Variants in FAM200B observed in about 807,000 individuals in gnomAD.
The protein encoded by FAM200B is protein FAM200B.
A neutral mutation model predicts 33.1 loss-of-function variants in FAM200B; 32 were observed. That is an observed-to-expected ratio of 0.97 (90% CI 0.73 to 1.30). FAM200B has a LOEUF of 1.30. FAM200B is among the 50% of genes most tolerant of loss of function. FAM200B has a pLI of 0.00. For missense variants in FAM200B, 741 were observed against 754.0 expected, an observed-to-expected ratio of 0.98 and a Z score of 0.20; for synonymous variants, 240 against 264.8, an observed-to-expected ratio of 0.91 and a Z score of 0.91.
the FAM200B span, among the ~76,000 whole-genome samples, chr4:15,670,958 C>G: frequency 8.9e-6 from 1 of 111,840 alleles, no homozygotes; most frequent in South Asian, 3.2e-4. Flanking sequence ...GAGTCTCACT[C>G]TGTTGCCCAG....
At chr4:15,655,519 C>T in the FAM200B span, 2 of 335,516 alleles carry the variant, frequency 6.0e-6, no homozygotes, top group Non-Finnish European at 8.5e-6. Flanking sequence ...CCTCCCGCCC[C>T]CACTCTTTTC....
chr4:15,639,596 C>CT, the FAM200B span, among the ~76,000 whole-genome samples: 1 of 152,092 alleles, frequency 6.6e-6, no homozygotes, highest in African/African-American at 2.4e-5. Flanking sequence ...GGAAACAAGG[C>CT]TTTTTTTGTT....
the FAM200B span, among the ~76,000 whole-genome samples, chr4:15,651,894 C>T: frequency 6.6e-6 from 1 of 152,148 alleles, no homozygotes; most frequent in Non-Finnish European, 1.5e-5. Context: ...TCTCAGAAAT[C>T]AATTCAAAGA....
the FAM200B span, chr4:15,659,746 A>C: frequency 1.0e-6 from 1 of 984,754 alleles, no homozygotes; most frequent in Non-Finnish European, 1.2e-6. Flanking sequence ...TTTACCTCTT[A>C]GTAAATATTG....
chr4:15,664,230 C>T, the FAM200B span, among the ~76,000 whole-genome samples: 10 of 152,130 alleles, frequency 6.6e-5, no homozygotes, highest in Non-Finnish European at 1.5e-4. Context: ...TAATTCATCC[C>T]TTCTCTGCTT....
chr4:15,646,673 T>C, the FAM200B span, among the ~76,000 whole-genome samples: 2 of 151,494 alleles, frequency 1.3e-5, no homozygotes, highest in African/African-American at 4.9e-5. Flanking sequence ...ATTAGGTATA[T>C]CTCCCAATGC....
chr4:15,678,269 T>A (rs1304546140), upstream of FAM200B, among the ~76,000 whole-genome samples: 1 of 152,238 alleles, frequency 6.6e-6, no homozygotes, highest in Non-Finnish European at 1.5e-5. Context: ...CTAACAAGAA[T>A]GGCTTCATTA....
Position 15,687,776 on chromosome 4 carries a change from C to G in FAM200B, c.799C>G (p.Leu267Val). The G allele has an allele frequency of 6.4e-7, 1 of 1,550,530 alleles. No homozygotes were observed. The highest frequency in any genetic ancestry group is 8.7e-7 in the Non-Finnish European group (1 of 1,146,446). ...FLCFLNLTSH[L>V]SGLDIFTELE... is the part of the protein sequence containing the mutation. ...GTGTTTTTTAAATTTAACCTCACAC[C>G]TAAGTGGATTAGATATTTTTACAGA... The change falls in exon 2 of 2, where the codon CTA (leucine) becomes GTA (valine). Residue 267 changes from leucine (L) to valine (V), a missense_variant. Physicochemically the swap from Leu to Val is conservative, Grantham distance 32 (BLOSUM62 1). Transcript: ENST00000422728.
At chr4:15,645,871 T>C in the FAM200B span, among the ~76,000 whole-genome samples, 2 of 152,232 alleles carry the variant, frequency 1.3e-5, no homozygotes, top group Non-Finnish European at 2.9e-5. Flanking sequence ...TCATACATTT[T>C]TTACTCTATA....
Position 15,687,894 on chromosome 4 carries a change from A to T in FAM200B, c.917A>T (p.His306Leu). The change falls in exon 2 of 2, where the codon CAT (histidine) becomes CTT (leucine). Residue 306 changes from histidine to leucine, a missense_variant. Physicochemically the swap from His to Leu is moderately conservative, Grantham distance 99 (BLOSUM62 -3). Coordinates refer to ENST00000422728, the MANE Select transcript of FAM200B (RefSeq NM_001145191.2). ...SDGTATMTGKHSRVIKKLLEV... is the reference protein window; with the variant it reads ...SDGTATMTGKLSRVIKKLLEV... ...GGCACAGCAACCATGACTGGAAAAC[A>T]TAGCAGAGTAATTAAAAAATTACTA... 5.2e-6 allele frequency: 8 copies of T among 1,551,006 alleles called. No individual in the cohort carries two copies. Among genetic ancestry groups the T allele is most frequent in the Non-Finnish European group, 7.0e-6 (8 of 1,146,520 alleles).
rs1719067141 is a variant in FAM200B, at chr4:15,688,181, A to G, written c.1204A>G (p.Arg402Gly). Residue 402 changes from arginine (R) to glycine (G), a missense_variant, in exon 2 of 2, where the codon AGG (arginine) becomes GGG (glycine). Arg to Gly is a moderately radical substitution (Grantham distance 125). Transcript: ENST00000422728. ...AATACTAAGCAGGGTTTATGAGCTC[A>G]GGAATGAGATTCACTTTTTTCTCAT... ...GKILSRVYELRNEIHFFLIEK... is the reference protein window; with the variant it reads ...GKILSRVYELGNEIHFFLIEK... 3 of 1,551,162 alleles carry G rather than the reference A, an allele frequency of 1.9e-6. No homozygotes were observed. Among genetic ancestry groups the G allele is most frequent in the Non-Finnish European group, 2.6e-6 (3 of 1,146,736 alleles).
the FAM200B span, among the ~76,000 whole-genome samples, chr4:15,659,217 T>C: frequency 2.0e-5 from 3 of 152,196 alleles, no homozygotes; most frequent in Non-Finnish European, 4.4e-5. Context: ...CCTGAACAAG[T>C]AGTAGGCATA....
At position 15,687,788 on chromosome 4, in the gene FAM200B, G is replaced by C; in HGVS notation, c.811G>C (p.Asp271His). 6.4e-7 allele frequency: 1 copy of C among 1,550,564 alleles called. No homozygotes were observed. Among genetic ancestry groups the C allele is most frequent in the Non-Finnish European group, 8.7e-7 (1 of 1,146,508 alleles). Residue 271 changes from aspartate to histidine, a missense_variant, in exon 2 of 2, where the codon GAT (aspartate) becomes CAT (histidine). Transcript: ENST00000422728. Reference protein sequence around the residue: ...LNLTSHLSGLDIFTELERRIV... With the variant: ...LNLTSHLSGLHIFTELERRIV... ...TTTAACCTCACACCTAAGTGGATTA[G>C]ATATTTTTACAGAATTAGAAAGGCG...
chr4:15,659,223 G>A, the FAM200B span, among the ~76,000 whole-genome samples: 1 of 152,088 alleles, frequency 6.6e-6, no homozygotes, highest in East Asian at 1.9e-4. Context: ...CAAGTAGTAG[G>A]CATACATAGT....
chr4:15,654,595 T>C, the FAM200B span, among the ~76,000 whole-genome samples: 1 of 152,016 alleles, frequency 6.6e-6, no homozygotes, highest in African/African-American at 2.4e-5. Context: ...ACATGAAGAG[T>C]GAAGGTTCTT....
the FAM200B span, among the ~76,000 whole-genome samples, chr4:15,675,668 G>A: frequency 7.2e-6 from 1 of 139,720 alleles, no homozygotes; most frequent in African/African-American, 2.7e-5. Context: ...TGCAACCTCT[G>A]CCTCCCAGGT....
At chr4:15,641,245 G>A in the FAM200B span, among the ~76,000 whole-genome samples, 5 of 152,010 alleles carry the variant, frequency 3.3e-5, no homozygotes, top group African/African-American at 1.2e-4. Context: ...TCCCTTTATG[G>A]TCATCTAGTG....
chr4:15,682,982 G>A (rs1718472759), intron 1 of FAM200B, among the ~76,000 whole-genome samples: 1 of 152,198 alleles, frequency 6.6e-6, no homozygotes, highest in Admixed American at 6.5e-5. Flanking sequence ...CACAAGCTCG[G>A]CGCCATTAAA....
chr4:15,641,435 T>G, the FAM200B span: 7 of 362,830 alleles, frequency 1.9e-5, no homozygotes, highest in Non-Finnish European at 3.2e-5. Flanking sequence ...ATAAAGACAT[T>G]TATGATGATC....
Sources: gnomAD v4.1 joint callset for allele counts (sites outside exome capture counted in the v4.1 genomes callset) on GRCh38, gnomAD v4.1.1 for gene constraint, MANE v1.5 for transcripts, NCBI Gene and HGNC (gene_info 2026-07-23, HGNC 2026-07-21) for gene names.